The following SMC1A variants were observed in gnomAD, a reference collection of about 807,000 sequenced individuals.
SMC1A encodes structural maintenance of chromosomes 1A.
SMC1A carries 4 observed loss-of-function variants against 94.5 expected under a neutral mutation model. The observed-to-expected ratio is 0.04, with a 90% confidence interval of 0.02 to 0.10. SMC1A has a LOEUF of 0.10. Among genes scored for constraint, SMC1A ranks in the 10% least tolerant of loss-of-function variants. The pLI is 1.00. For missense variants in SMC1A, 304 were observed against 989.0 expected, an observed-to-expected ratio of 0.31 and a Z score of 9.29; for synonymous variants, 345 against 347.7, an observed-to-expected ratio of 0.99 and a Z score of 0.09.
chrX:53,403,494 T>A, intron 15 of SMC1A, 72 bp downstream of exon 15: 1 of 827,274 alleles, frequency 1.2e-6, no homozygotes, highest in Admixed American at 2.6e-5. Context: ...TATGACAGCA[T>A]CTGGTTTTCC....
intron 22 of SMC1A, chrX:53,381,990 T>G (rs376252119): frequency 3.2e-5 from 14 of 436,164 alleles, no homozygotes; most frequent in East Asian, 2.7e-4. Flanking sequence ...AGCAAAAGCC[T>G]GGAGGCGGAA....
In SMC1A at chrX:53,395,598, T is replaced by C. The variant is rs150952788; in HGVS notation, c.2862+629A>G. On this transcript the variant is annotated intron_variant, in intron 18 of 24. Coordinates refer to ENST00000322213, the MANE Select transcript of SMC1A (RefSeq NM_006306.4). ...TTTGGAAAGTGAGGAGGGAGAAAGATACATGGGACTGAGATATATAACCAG... is the reference window on the plus strand; with the variant it reads ...TTTGGAAAGTGAGGAGGGAGAAAGACACATGGGACTGAGATATATAACCAG... Among the ~76,000 whole-genome samples the C allele has an allele frequency of 3.8e-3, 427 of 111,988 alleles. 10 individuals carry two copies. In the East Asian group the frequency reaches 0.099, roughly 26 times the overall value.
chrX:53,384,882 C>T (rs1357482975), intron 19 of SMC1A, among the ~76,000 whole-genome samples: 1 of 110,362 alleles, frequency 9.1e-6, no homozygotes, highest in Non-Finnish European at 1.9e-5. Context: ...GAGATCGAGG[C>T]TGCAGTGAAC....
At chrX:53,381,695 G>A (rs2075583863) in intron 22 of SMC1A, 2 of 160,042 alleles carry the variant, frequency 1.2e-5, no homozygotes, top group African/African-American at 3.0e-5. Flanking sequence ...TAGACTGTGA[G>A]CTCCTCGAGG....
chrX:53,384,422 C>T (rs1287572410), intron 19 of SMC1A, among the ~76,000 whole-genome samples: 1 of 109,833 alleles, frequency 9.1e-6, no homozygotes, highest in Non-Finnish European at 1.9e-5. Flanking sequence ...CACAACCATG[C>T]CTGGCTAATT....
chrX:53,404,648 C>T (rs1365926658), intron 13 of SMC1A, among the ~76,000 whole-genome samples: 3 of 110,844 alleles, frequency 2.7e-5, no homozygotes, highest in African/African-American at 9.8e-5. Flanking sequence ...CGCCTGCCAC[C>T]ACGCCCAGCT....
chrX:53,410,303 C>T (rs2075706308), intron 7 of SMC1A, among the ~76,000 whole-genome samples: 1 of 110,629 alleles, frequency 9.0e-6, no homozygotes, highest in South Asian at 3.8e-4. Context: ...TTAAGACCAG[C>T]CTGGGCAACA....
At chrX:53,395,617 T>C (rs1602405307) in intron 18 of SMC1A, among the ~76,000 whole-genome samples, 1 of 112,074 alleles carries the variant, frequency 8.9e-6, no homozygotes. Context: ...CTGAGATATA[T>C]AACCAGGTCT....
intron 15 of SMC1A, among the ~76,000 whole-genome samples, chrX:53,403,007 T>TAAC (rs1385645127): frequency 1.1e-5 from 1 of 94,675 alleles, no homozygotes; most frequent in Non-Finnish European, 2.1e-5. Context: ...ATCTCTACAA[T>TAAC]AACAACAACA....
At chrX:53,398,219 A>C (rs2075659044) in intron 16 of SMC1A, among the ~76,000 whole-genome samples, 1 of 109,578 alleles carries the variant, frequency 9.1e-6, no homozygotes, top group Non-Finnish European at 1.9e-5. Context: ...GACACTAAAG[A>C]GGACTACTTT....
chrX:53,404,914 G>A, intron 13 of SMC1A, 98 bp downstream of exon 13: 1 of 991,876 alleles, frequency 1.0e-6, no homozygotes, highest in Non-Finnish European at 1.4e-6. Context: ...AGGCTGGGAG[G>A]AGACGGGGAA....
intron 22 of SMC1A, 141 bp downstream of exon 22, chrX:53,382,091 G>A: frequency 2.8e-6 from 2 of 724,314 alleles, no homozygotes; most frequent in Non-Finnish European, 4.2e-6. Flanking sequence ...CAGATATGCT[G>A]CAGTAGATAG....
Position 53,396,700 on chromosome X carries a change from T to C in SMC1A, c.2563-83A>G. The C allele has an allele frequency of 2.5e-5, 26 of 1,038,905 alleles. No individual in the cohort carries two copies. The South Asian group carries it at 4.5e-4, about 18-fold the overall frequency. The allele number at this position is 1,038,905 out of a possible 1,213,427, so 85.6% of individuals were successfully genotyped here. ...GATATTCTCCTGCTCCCACCCTTCC[T>C]ACTAGGCAGTTTATTGGAGTCACTC... On this transcript the variant is annotated intron_variant, in intron 16 of 24. Coordinates refer to ENST00000322213, the MANE Select transcript of SMC1A (RefSeq NM_006306.4).
chrX:53,381,783 T>C (rs1381104510), intron 22 of SMC1A: 3 of 230,973 alleles, frequency 1.3e-5, no homozygotes, highest in East Asian at 1.1e-4. Flanking sequence ...AAGAAATTGA[T>C]GCTGTACAAT....
intron 19 of SMC1A, among the ~76,000 whole-genome samples, chrX:53,394,003 G>A (rs2075639778): frequency 9.2e-6 from 1 of 109,040 alleles, no homozygotes; most frequent in Admixed American, 1.0e-4. Flanking sequence ...CTAAAAATTA[G>A]CTGGGCATGA....
At chrX:53,417,036 G>A (rs968851708) in intron 1 of SMC1A, among the ~76,000 whole-genome samples, 2 of 98,490 alleles carry the variant, frequency 2.0e-5, no homozygotes, top group Non-Finnish European at 4.2e-5. Context: ...TCCTCCCGCC[G>A]TGGCCTCCCA....
At chrX:53,394,152 C>CAA (rs55878070) in intron 19 of SMC1A, among the ~76,000 whole-genome samples, 40 of 42,564 alleles carry the variant, frequency 9.4e-4, no homozygotes, top group Non-Finnish European at 1.1e-3. Context: ...AACTCCGTCT[C>CAA]AAAAAAAAAA....
At chrX:53,387,303 A>G (rs1556886571) in intron 19 of SMC1A, among the ~76,000 whole-genome samples, 4 of 112,279 alleles carry the variant, frequency 3.6e-5, no homozygotes, top group African/African-American at 9.7e-5. Flanking sequence ...CCCTTTTACT[A>G]ATAATATCTT....
chrX:53,409,670 G>A (rs1277374140), intron 7 of SMC1A, among the ~76,000 whole-genome samples, 167 bp from the exon 8 acceptor site: 2 of 110,573 alleles, frequency 1.8e-5, no homozygotes, highest in Admixed American at 9.7e-5. Context: ...GATGGTGTTC[G>A]GTTTGATCTA....
Sources: allele counts gnomAD v4.1 joint callset (sites outside exome capture counted in the v4.1 genomes callset), GRCh38; gene constraint gnomAD v4.1.1; transcripts MANE v1.5; gene names NCBI Gene and HGNC (gene_info 2026-07-23, HGNC 2026-07-21).